The following ARNT variants were observed in gnomAD, a reference collection of about 807,000 sequenced individuals.
The protein encoded by ARNT is aryl hydrocarbon receptor nuclear translocator.
Under a neutral mutation model 105.0 loss-of-function variants are expected in ARNT, and 30 were observed. That is an observed-to-expected ratio of 0.29 (90% CI 0.21 to 0.39). The LOEUF (loss-of-function observed/expected upper bound fraction) is 0.39, where lower values mean the gene tolerates loss of function less well. Ranked by LOEUF, ARNT falls within the 10% of genes least tolerant of loss-of-function variation. The probability of loss-of-function intolerance (pLI) is 1.00; values close to 1 mark genes in which losing one functional copy is unlikely to be tolerated. For synonymous variants in ARNT, 304 were observed against 344.0 expected, an observed-to-expected ratio of 0.88 and a Z score of 1.29; for missense variants, 748 against 978.7, an observed-to-expected ratio of 0.76 and a Z score of 3.15.
intron 19 of ARNT, 35 bp downstream of exon 19, chr1:150,816,217 CAAAAAAT>C: frequency 7.1e-6 from 11 of 1,557,094 alleles, no homozygotes; most frequent in Non-Finnish European, 9.5e-6. Context: ...CCCAAACAAA[CAAAAAAT>C]AATACACAGG....
At chr1:150,836,006 A>G (rs1203525811) in intron 7 of ARNT, among the ~76,000 whole-genome samples, 1 of 152,218 alleles carries the variant, frequency 6.6e-6, no homozygotes, top group African/African-American at 2.4e-5. Context: ...GAACGGAAAA[A>G]AAAAAGTATT....
At position 150,817,187 on chromosome 1, in the gene ARNT, T is replaced by A. The variant is rs1177925783; in HGVS notation, c.1594A>T (p.Thr532Ser). ...TTGCTGTGTTCTGGTCCTGTGGTTG[T>A]CACAGGCTGAACCACCTGTGGAATA... is the stretch of plus-strand genomic sequence containing the variant. ...YNHSQVVQPVTTTGPEHSKPL... is the reference protein window; with the variant it reads ...YNHSQVVQPVSTTGPEHSKPL... Residue 532 changes from threonine (T) to serine (S), a missense_variant, in exon 17 of 22, where the codon ACA becomes TCA. Coordinates refer to ENST00000358595, the MANE Select transcript of ARNT (RefSeq NM_001668.4). The A allele has an allele frequency of 6.2e-7, 1 of 1,614,154 alleles. No homozygotes were observed. The highest frequency in any genetic ancestry group is 8.5e-7 in the Non-Finnish European group (1 of 1,180,030).
Position 150,829,225 on chromosome 1 carries a change from T to C in ARNT, c.1035A>G (p.Val345=). The part of the protein sequence containing the change: ...FCLVAIGRLQ[V]TSSPNCTDMS... ...TGTCTGTACAGTTGGGAGAACTAGT[T>C]ACCTGAGAGTGAAGAGATAAAAATG... Residue 345 remains valine, a splice_region_variant and synonymous_variant, in exon 12 of 22, where the codon GTA becomes GTG. Coordinates refer to ENST00000358595, the MANE Select transcript of ARNT (RefSeq NM_001668.4). 6.2e-7 allele frequency: 1 copy of C among 1,613,462 alleles called. No individual in the cohort carries two copies. Among genetic ancestry groups the C allele is most frequent in the African/African-American group, 1.3e-5 (1 of 75,026 alleles).
At chr1:150,830,252 G>A (rs1659124458) in intron 10 of ARNT, 1 of 304,282 alleles carries the variant, frequency 3.3e-6, no homozygotes, top group Admixed American at 4.6e-5. Context: ...AGGCTGAGGT[G>A]AGAGAATCAC....
At chr1:150,828,402 A>AT (rs1658710867) in intron 12 of ARNT, among the ~76,000 whole-genome samples, 1 of 130,214 alleles carries the variant, frequency 7.7e-6, no homozygotes, top group Non-Finnish European at 1.6e-5. Context: ...TGTTAGAAAT[A>AT]TTTATTTTAT....
intron 3 of ARNT, 26 bp downstream of exon 3, chr1:150,852,736 C>G (rs1663856405): frequency 1.3e-6 from 2 of 1,595,208 alleles, no homozygotes; most frequent in Non-Finnish European, 1.7e-6. Context: ...TATCAGACAT[C>G]TAAGGAAAGT....
chr1:150,852,951 T>A, intron 2 of ARNT, 145 bp from the exon 3 acceptor site: 1 of 1,014,812 alleles, frequency 9.9e-7, no homozygotes, highest in East Asian at 2.6e-5. Flanking sequence ...CAAAGCTACA[T>A]TTCCTCTTGT....
chr1:150,840,205 C>T (rs910850890), intron 5 of ARNT, among the ~76,000 whole-genome samples: 9 of 151,528 alleles, frequency 5.9e-5, no homozygotes, highest in African/African-American at 1.9e-4. Context: ...CACACCACTG[C>T]ACTTCAGCCT....
intron 14 of ARNT, among the ~76,000 whole-genome samples, chr1:150,821,455 A>G (rs914305172): frequency 6.6e-6 from 1 of 152,240 alleles, no homozygotes; most frequent in African/African-American, 2.4e-5. Flanking sequence ...GATTAGCATC[A>G]CACAGCATTT....
chr1:150,865,675 C>T (rs1473305062), intron 1 of ARNT, among the ~76,000 whole-genome samples: 2 of 152,106 alleles, frequency 1.3e-5, no homozygotes, highest in African/African-American at 4.8e-5. Context: ...CTAGTGAACA[C>T]GACGTAAAGG....
At chr1:150,871,294 G>GTTTTT (rs754698911) in intron 1 of ARNT, among the ~76,000 whole-genome samples, 6 of 94,618 alleles carry the variant, frequency 6.3e-5, no homozygotes, top group African/African-American at 8.0e-5. Flanking sequence ...GGCAGTCGTG[G>GTTTTT]TTTTTTTTTT....
intron 13 of ARNT, among the ~76,000 whole-genome samples, chr1:150,826,210 C>T (rs1658221048): frequency 1.3e-5 from 2 of 152,106 alleles, no homozygotes; most frequent in Admixed American, 1.3e-4. Flanking sequence ...CCACCATGCC[C>T]AGACGAGGAA....
At chr1:150,847,250 G>A (rs587667949) in intron 3 of ARNT, among the ~76,000 whole-genome samples, 131 of 152,204 alleles carry the variant, frequency 8.6e-4, no homozygotes, top group African/African-American at 3.0e-3. Context: ...GGCCAACATG[G>A]TGAAACCCCG....
chr1:150,817,363 G>C lies in ARNT; in HGVS notation c.1576C>G (p.Gln526Glu). 1 of 1,614,128 alleles carries C rather than the reference G, an allele frequency of 6.2e-7. No individual in the cohort carries two copies. Among genetic ancestry groups the C allele is most frequent in the Non-Finnish European group, 8.5e-7 (1 of 1,180,018 alleles). The change falls in exon 16 of 22, where the codon CAG (glutamine) becomes GAG (glutamate). Residue 526 changes from glutamine (Q) to glutamate (E), a missense_variant and splice_region_variant. Physicochemically the swap from Gln to Glu is conservative, Grantham distance 29 (BLOSUM62 2). Transcript: ENST00000358595. ...RDGLASYNHS[Q>E]VVQPVTTTGP... ...TCAACGAAGAGGACACAACTCACCT[G>C]GGAATGATTGTAGCTGGCCAGTCCA...
chr1:150,827,552 C>A (rs1276206898), intron 12 of ARNT, among the ~76,000 whole-genome samples: 1 of 152,162 alleles, frequency 6.6e-6, no homozygotes, highest in East Asian at 1.9e-4. Flanking sequence ...GGATACAACA[C>A]AGTTGTGTAT....
rs1386596959 is a variant in ARNT at position 150,816,344 on chromosome 1, A to G, written c.1865T>C (p.Leu622Ser). The change falls in exon 19 of 22, where the codon TTG becomes TCG. Residue 622 changes from leucine to serine, a missense_variant. By Grantham distance (145) the Leu-to-Ser change is moderately radical. This residue lies in a region of ARNT where 360 missense variants were observed against 411.9 expected (regional missense o/e 0.87). Coordinates refer to ENST00000358595, the MANE Select transcript of ARNT (RefSeq NM_001668.4). ...GTTGGAGTGGCGGGAAATCTGGGCCAACATCTGTCCTGCAGAAGCTGATGG... is the reference window on the plus strand; with the variant it reads ...GTTGGAGTGGCGGGAAATCTGGGCCGACATCTGTCCTGCAGAAGCTGATGG... ...VQPSASAGQM[L>S]AQISRHSNPT... 2 of 1,609,774 alleles carry G rather than the reference A, an allele frequency of 1.2e-6. No individual in the cohort carries two copies. Among genetic ancestry groups the G allele is most frequent in the African/African-American group, 2.7e-5 (2 of 74,522 alleles).
intron 13 of ARNT, among the ~76,000 whole-genome samples, chr1:150,826,223 C>T (rs1658225501): frequency 6.6e-6 from 1 of 152,078 alleles, no homozygotes; most frequent in Non-Finnish European, 1.5e-5. Context: ...ACGAGGAAAA[C>T]ATCTATTTTC....
rs1271767601 is a variant in ARNT at position 150,814,216 on chromosome 1, A to C, written c.1974T>G (p.Ala658=). Residue 658 remains alanine, a synonymous_variant, in exon 20 of 22, where the codon GCT becomes GCG. Transcript: ENST00000358595. ...SAQQVATQAT[A]KTRTSQFGVG... ...CACCAAACTGGGAAGTACGAGTCTT[A>C]GCAGTAGCCTGGGTAGCCACCTGCT... 6.2e-7 allele frequency: 1 copy of C among 1,614,066 alleles called. No homozygotes were observed. The highest frequency in any genetic ancestry group is 8.5e-7 in the Non-Finnish European group (1 of 1,180,028).
chr1:150,816,595 G>A (rs1265704301), intron 18 of ARNT, among the ~76,000 whole-genome samples, 189 bp from the exon 19 acceptor site: 1 of 152,152 alleles, frequency 6.6e-6, no homozygotes, highest in Non-Finnish European at 1.5e-5. Flanking sequence ...CAGAGATGGA[G>A]CCTAGAACAT....
Sources: gnomAD v4.1 joint callset for allele counts (sites outside exome capture counted in the v4.1 genomes callset) on GRCh38, gnomAD v4.1.1 for gene constraint, gnomAD v4.1.1 regional missense constraint, MANE v1.5 for transcripts, NCBI Gene and HGNC (gene_info 2026-07-23, HGNC 2026-07-21) for gene names.